The following IL1RAPL1 variants were observed in gnomAD, a reference collection of about 807,000 sequenced individuals.
IL1RAPL1 encodes the protein interleukin-1 receptor accessory protein-like 1.
In IL1RAPL1, 3 loss-of-function variants were observed where a neutral mutation model predicts 48.4. The observed-to-expected ratio is 0.06, with a 90% CI of 0.03 to 0.16. IL1RAPL1 has a LOEUF of 0.16. IL1RAPL1 is among the 10% of genes least tolerant of loss of function. IL1RAPL1 has a pLI of 1.00. For missense variants in IL1RAPL1, 349 were observed against 530.6 expected, an observed-to-expected ratio of 0.66 and a Z score of 3.36; for synonymous variants, 185 against 187.7, an observed-to-expected ratio of 0.99 and a Z score of 0.12.
At chrX:28,832,571 A>G (rs1921091394) in intron 2 of IL1RAPL1, among the ~76,000 whole-genome samples, 1 of 111,143 alleles carries the variant, frequency 9.0e-6, no homozygotes, top group Non-Finnish European at 1.9e-5. Flanking sequence ...GTTCATCTGA[A>G]CTGGAGAAAA....
At chrX:29,183,821 G>A (rs1379784594) in intron 2 of IL1RAPL1, among the ~76,000 whole-genome samples, 1 of 112,042 alleles carries the variant, frequency 8.9e-6, no homozygotes, top group Non-Finnish European at 1.9e-5. Flanking sequence ...AGCCTCCCAA[G>A]TAGCTGGGAT....
At chrX:29,930,631 T>G (rs1932936741) in intron 8 of IL1RAPL1, among the ~76,000 whole-genome samples, 1 of 111,985 alleles carries the variant, frequency 8.9e-6, no homozygotes, top group Non-Finnish European at 1.9e-5. Flanking sequence ...GCATGTTTTA[T>G]AGAGTCAGAA....
chrX:28,674,840 A>G (rs1934981935), intron 1 of IL1RAPL1, among the ~76,000 whole-genome samples: 1 of 112,159 alleles, frequency 8.9e-6, no homozygotes, highest in African/African-American at 3.2e-5. Context: ...TTTTAGATCA[A>G]AATTAACTAA....
Position 29,657,473 on chromosome X carries a change from T to C in IL1RAPL1, c.704-10957T>C, listed in dbSNP as rs1213321406. Among the ~76,000 whole-genome samples, 5 of 111,918 alleles carry C rather than the reference T, an allele frequency of 4.5e-5. No homozygotes were observed. The East Asian group carries it at 1.4e-3, about 31-fold the overall frequency. On this transcript the variant is annotated intron_variant, in intron 5 of 10. Coordinates refer to ENST00000378993, the MANE Select transcript of IL1RAPL1 (RefSeq NM_014271.4). ...TACCTTCTGCAGAAGCGCAAGCATA[T>C]GTAAACCAACTCAATATAATCTGGA...
At chrX:28,864,237 G>C (rs1211535773) in intron 2 of IL1RAPL1, among the ~76,000 whole-genome samples, 1 of 111,819 alleles carries the variant, frequency 8.9e-6, no homozygotes, top group Non-Finnish European at 1.9e-5. Flanking sequence ...GCACAGTCCT[G>C]ACTGACACTT....
intron 5 of IL1RAPL1, among the ~76,000 whole-genome samples, chrX:29,413,085 G>C (rs1934165243): frequency 9.0e-6 from 1 of 111,340 alleles, no homozygotes; most frequent in African/African-American, 3.3e-5. Context: ...TCTTTGCCAT[G>C]CTGTTCTGGT....
At chrX:29,270,623 T>G (rs1569274088) in intron 2 of IL1RAPL1, among the ~76,000 whole-genome samples, 1 of 111,999 alleles carries the variant, frequency 8.9e-6, no homozygotes, top group Non-Finnish European at 1.9e-5. Context: ...TTTTGTTACA[T>G]TTATCTATTT....
intron 5 of IL1RAPL1, among the ~76,000 whole-genome samples, chrX:29,488,048 T>C (rs766480161): frequency 6.0e-4 from 67 of 112,275 alleles, no homozygotes; most frequent in African/African-American, 2.1e-3. Context: ...TAAGCCTGTG[T>C]CTTTATTTCA....
chrX:28,622,058 A>G (rs1312156363), intron 1 of IL1RAPL1, among the ~76,000 whole-genome samples: 1 of 111,662 alleles, frequency 9.0e-6, no homozygotes, highest in Non-Finnish European at 1.9e-5. Flanking sequence ...TTCCCTTCAC[A>G]TCTAAATATA....
At chrX:29,332,659 T>TTTA (rs1932899597) in intron 3 of IL1RAPL1, among the ~76,000 whole-genome samples, 1 of 98,884 alleles carries the variant, frequency 1.0e-5, no homozygotes, top group Admixed American at 1.0e-4. Flanking sequence ...TTTTATTTTT[T>TTTA]TTTTTTTATT....
chrX:29,751,657 G>A (rs1035146832), intron 6 of IL1RAPL1, among the ~76,000 whole-genome samples: 1 of 111,438 alleles, frequency 9.0e-6, no homozygotes, highest in Non-Finnish European at 1.9e-5. Flanking sequence ...GACGCTGGGT[G>A]TGGTGGCCCA....
intron 6 of IL1RAPL1, among the ~76,000 whole-genome samples, chrX:29,752,531 G>A (rs1186388690): frequency 1.2e-4 from 12 of 103,816 alleles, no homozygotes; most frequent in African/African-American, 4.2e-4. Flanking sequence ...ATAGACATTA[G>A]AAAGTTAACT....
chrX:29,024,955 C>T (rs1926452449), intron 2 of IL1RAPL1, among the ~76,000 whole-genome samples: 1 of 111,392 alleles, frequency 9.0e-6, no homozygotes, highest in African/African-American at 3.3e-5. Context: ...GTAGTCACTC[C>T]TCATTTCTCT....
In IL1RAPL1 at chrX:29,099,152, C is replaced by CAAACA. The variant is rs60417699; in HGVS notation, c.83-183764_83-183760dup. Among the ~76,000 whole-genome samples, 993 of 109,582 alleles carry CAAACA rather than the reference C, an allele frequency of 9.1e-3. 8 individuals carry two copies. Among genetic ancestry groups the CAAACA allele is most frequent in the Non-Finnish European group, 0.012 (651 of 52,769 alleles). ...GGGTGACAAGAGTGAAACTGCGTCT[C>CAAACA]AAACAAAACAAAACAAAACAAAACA... On this transcript the variant is annotated intron_variant, in intron 2 of 10. Transcript: ENST00000378993.
At chrX:29,571,201 G>A (rs1261811662) in intron 5 of IL1RAPL1, among the ~76,000 whole-genome samples, 1 of 110,026 alleles carries the variant, frequency 9.1e-6, no homozygotes, top group African/African-American at 3.4e-5. Context: ...CAGCCTGGGT[G>A]ACAGAGTGAA....
rs747504753 is a variant in IL1RAPL1, at chrX:28,746,370, C to G, written c.-24-42950C>G. On this transcript the variant is annotated intron_variant, in intron 1 of 10. Coordinates refer to ENST00000378993, the MANE Select transcript of IL1RAPL1 (RefSeq NM_014271.4). ...CAGTGGGTAGTAAACTTAAAAAACTCTTTACCATAAGCGGTAGAATGGGTT... is the reference window on the plus strand; with the variant it reads ...CAGTGGGTAGTAAACTTAAAAAACTGTTTACCATAAGCGGTAGAATGGGTT... Among the ~76,000 whole-genome samples, 3 of 111,844 alleles carry G rather than the reference C, an allele frequency of 2.7e-5. No homozygotes were observed. The South Asian group carries it at 1.1e-3, about 42-fold the overall frequency.
At chrX:29,441,678 G>A (rs988365208) in intron 5 of IL1RAPL1, among the ~76,000 whole-genome samples, 3 of 111,400 alleles carry the variant, frequency 2.7e-5, no homozygotes, top group Admixed American at 1.9e-4. Context: ...ACTTATATCC[G>A]TAAAATCCTC....
chrX:28,788,557 C>A (rs1936497269), intron 1 of IL1RAPL1, among the ~76,000 whole-genome samples: 1 of 110,514 alleles, frequency 9.0e-6, no homozygotes, highest in Admixed American at 9.7e-5. Context: ...GCCTTGACCT[C>A]CCAGGCTCAA....
chrX:28,962,296 G>A (rs1322981736), intron 2 of IL1RAPL1, among the ~76,000 whole-genome samples: 1 of 111,946 alleles, frequency 8.9e-6, no homozygotes, highest in Non-Finnish European at 1.9e-5. Context: ...CACATTATGA[G>A]TATAATCTTT....
Sources: gnomAD v4.1 joint callset for allele counts (sites outside exome capture counted in the v4.1 genomes callset) on GRCh38, gnomAD v4.1.1 for gene constraint, MANE v1.5 for transcripts, NCBI Gene and HGNC (gene_info 2026-07-23, HGNC 2026-07-21) for gene names.